The following KLF6 variants were observed in gnomAD, a reference collection of about 807,000 sequenced individuals.
The protein encoded by KLF6 is KLF transcription factor 6.
For missense variants in KLF6, 233 were observed against 359.8 expected, an observed-to-expected ratio of 0.65 and a Z score of 2.85; for synonymous variants, 152 against 147.9, an observed-to-expected ratio of 1.03 and a Z score of -0.20.
Position 3,777,464 on chromosome 10 carries a change from G to A in KLF6, c.*2075C>T, listed in dbSNP as rs538353647. The A allele has an allele frequency of 2.6e-4, 133 of 511,486 alleles. No homozygotes were observed. The highest frequency in any genetic ancestry group is 4.6e-4 in the Non-Finnish European group (120 of 261,788). 31.7% of individuals were successfully genotyped at this position (511,486 alleles called of 1,614,324 possible). On this transcript the variant is annotated 3_prime_UTR_variant, in exon 4 of 4. Transcript: ENST00000497571. ...TCAAAATCAAAACCTTAGTGTGTCC[G>A]AGTCCAGCCTGGGTTCCAGCATTCT...
Position 3,778,012 on chromosome 10 carries a change from T to C in KLF6, c.*1527A>G. Reference sequence around the variant, plus strand: ...TGATCTATACAATTGTTGTGCAAGGTCTATATGAAAGTCTCAAGGTGGCAG... The same window carrying C: ...TGATCTATACAATTGTTGTGCAAGGCCTATATGAAAGTCTCAAGGTGGCAG... On this transcript the variant is annotated 3_prime_UTR_variant, in exon 4 of 4. Coordinates refer to ENST00000497571, the MANE Select transcript of KLF6 (RefSeq NM_001300.6). The C allele has an allele frequency of 2.0e-6, 1 of 507,030 alleles. No individual in the cohort carries two copies. Among genetic ancestry groups the C allele is most frequent in the Non-Finnish European group, 3.9e-6 (1 of 259,146 alleles). 31.4% of individuals were successfully genotyped at this position (507,030 alleles called of 1,614,324 possible). A position where few individuals can be genotyped will look rare whatever the true frequency, so the allele number is the denominator to read the frequency against.
chr10:3,783,775 C>G (rs1429735886), intron 1 of KLF6, among the ~76,000 whole-genome samples: 2 of 152,198 alleles, frequency 1.3e-5, no homozygotes, highest in Non-Finnish European at 2.9e-5. Flanking sequence ...GCACCCGGGA[C>G]CTGAACGAAG....
At position 3,776,471 on chromosome 10, in the gene KLF6, C is replaced by A. The variant is rs1269548782; in HGVS notation, c.*3068G>T. 3.8e-6 allele frequency: 2 copies of A among 531,498 alleles called. No homozygotes were observed. The highest frequency in any genetic ancestry group is 7.3e-6 in the Non-Finnish European group (2 of 274,600). 32.9% of individuals were successfully genotyped at this position (531,498 alleles called of 1,614,324 possible). ...GGGTTGCTCAATGAAGATTTGCCCC[C>A]AGGAGGAAGCCAGGGTGATGAATGC... is the stretch of plus-strand genomic sequence containing the variant. On this transcript the variant is annotated 3_prime_UTR_variant, in exon 4 of 4. Coordinates refer to ENST00000497571, the MANE Select transcript of KLF6 (RefSeq NM_001300.6).
Position 3,781,400 on chromosome 10 carries a change from C to G in KLF6, c.676+241G>C, listed in dbSNP as rs1832516021. 2.0e-6 allele frequency: 3 copies of G among 1,480,750 alleles called. No individual in the cohort carries two copies. Among genetic ancestry groups the G allele is most frequent in the African/African-American group, 1.4e-5 (1 of 71,274 alleles). 91.7% of individuals were successfully genotyped at this position (1,480,750 alleles called of 1,614,324 possible). On this transcript the variant is annotated intron_variant, in intron 2 of 3. Coordinates refer to ENST00000497571, the MANE Select transcript of KLF6 (RefSeq NM_001300.6). The surrounding 1 kb of genome is among the most constrained non-coding windows in gnomAD (Gnocchi z 5.8). ...TTTGGGTGTCCGTGGAGAAAAGGAT[C>G]TAGTCTCTTGTTTGTTTAATCTGAA...
chr10:3,778,927 A>T lies in KLF6; in HGVS notation c.*612T>A, dbSNP rs764657051. The T allele has an allele frequency of 4.7e-4, 249 of 534,732 alleles. No individual in the cohort carries two copies. The highest frequency in any genetic ancestry group is 8.0e-4 in the Non-Finnish European group (222 of 276,704). The allele number at this position is 534,732 out of a possible 1,614,324, so 33.1% of individuals were successfully genotyped here. On this transcript the variant is annotated 3_prime_UTR_variant, in exon 4 of 4. Transcript: ENST00000497571. Reference sequence around the variant, plus strand: ...GCACCAGACACTAAGAGTTCCTCTCACACAGAAAAGGGGGAGAGAGGCTCT... The same window carrying T: ...GCACCAGACACTAAGAGTTCCTCTCTCACAGAAAAGGGGGAGAGAGGCTCT...
In KLF6 at chr10:3,778,769, A is replaced by T; in HGVS notation, c.*770T>A. ...CATATAGTTCCCCAGACCATGCATG[A>T]CTTTTTGTATTCTAAGGAAAAGTTA... On this transcript the variant is annotated 3_prime_UTR_variant, in exon 4 of 4. Transcript: ENST00000497571. 1.9e-6 allele frequency: 1 copy of T among 531,386 alleles called. No individual in the cohort carries two copies. Among genetic ancestry groups the T allele is most frequent in the East Asian group, 4.0e-5 (1 of 25,290 alleles). The allele number at this position is 531,386 out of a possible 1,614,324, so 32.9% of individuals were successfully genotyped here. A position where few individuals can be genotyped will look rare whatever the true frequency, so the allele number is the denominator to read the frequency against.
In KLF6 at chr10:3,778,930, C is replaced by T. The variant is rs574995312; in HGVS notation, c.*609G>A. The stretch of plus-strand genomic sequence containing the variant: ...CCAGACACTAAGAGTTCCTCTCACA[C>T]AGAAAAGGGGGAGAGAGGCTCTCCC... On this transcript the variant is annotated 3_prime_UTR_variant, in exon 4 of 4. Coordinates refer to ENST00000497571, the MANE Select transcript of KLF6 (RefSeq NM_001300.6). 3.7e-6 allele frequency: 2 copies of T among 534,874 alleles called. No homozygotes were observed. Among genetic ancestry groups the T allele is most frequent in the Non-Finnish European group, 7.2e-6 (2 of 276,694 alleles). 33.1% of individuals were successfully genotyped at this position (534,874 alleles called of 1,614,324 possible).
rs1832380316 is a variant in KLF6 at position 3,776,523 on chromosome 10, T to A, written c.*3016A>T. ...GGAGGAATCTGTTCCAACAACCCCC[T>A]TCCCCCAAAAAAAACAACCAGACTC... is the stretch of plus-strand genomic sequence containing the variant. On this transcript the variant is annotated 3_prime_UTR_variant, in exon 4 of 4. Coordinates refer to ENST00000497571, the MANE Select transcript of KLF6 (RefSeq NM_001300.6). The A allele has an allele frequency of 5.7e-6, 3 of 528,408 alleles. No homozygotes were observed. The highest frequency in any genetic ancestry group is 1.1e-5 in the Non-Finnish European group (3 of 272,706). The allele number at this position is 528,408 out of a possible 1,614,324, so 32.7% of individuals were successfully genotyped here.
In KLF6 at chr10:3,776,165, C is replaced by T. The variant is rs1050102006; in HGVS notation, c.*3374G>A. On this transcript the variant is annotated 3_prime_UTR_variant, in exon 4 of 4. Transcript: ENST00000497571. ...GGGAAGGTAGGCCCAGCTCTAGCTG[C>T]GGAACTGGAGCAGGCTGTGGAGGCA... The T allele has an allele frequency of 1.1e-5, 6 of 530,444 alleles. No individual in the cohort carries two copies. The highest frequency in any genetic ancestry group is 3.9e-5 in the East Asian group (1 of 25,398). 32.9% of individuals were successfully genotyped at this position (530,444 alleles called of 1,614,324 possible). A position where few individuals can be genotyped will look rare whatever the true frequency, so the allele number is the denominator to read the frequency against.
chr10:3,782,602 A>C lies in KLF6; in HGVS notation c.103-388T>G, dbSNP rs1472350070. ...CCAACAGGTTCAACCAGATTATCTG[A>C]CATTGTCAAGAACCATGTGTTTTAA... On this transcript the variant is annotated intron_variant, in intron 1 of 3. Transcript: ENST00000497571. The surrounding 1 kb of genome is among the most constrained non-coding windows in gnomAD (Gnocchi z 4.3). 6.6e-6 allele frequency among the ~76,000 whole-genome samples: 1 copy of C among 152,220 alleles called. No individual in the cohort carries two copies. Among genetic ancestry groups the C allele is most frequent in the Non-Finnish European group, 1.5e-5 (1 of 68,046 alleles).
In KLF6 at chr10:3,778,678, C is replaced by A. The variant is rs769718257; in HGVS notation, c.*861G>T. Reference sequence around the variant, plus strand: ...ATGGCTAGGGGGTCACTGTATTAGACAGATTGGATCTTAGCTGCTCATTAA... The same window carrying A: ...ATGGCTAGGGGGTCACTGTATTAGAAAGATTGGATCTTAGCTGCTCATTAA... On this transcript the variant is annotated 3_prime_UTR_variant, in exon 4 of 4. Transcript: ENST00000497571. The A allele has an allele frequency of 1.9e-6, 1 of 526,608 alleles. No individual in the cohort carries two copies. The highest frequency in any genetic ancestry group is 3.7e-6 in the Non-Finnish European group (1 of 271,742). 32.6% of individuals were successfully genotyped at this position (526,608 alleles called of 1,614,324 possible). A position where few individuals can be genotyped will look rare whatever the true frequency, so the allele number is the denominator to read the frequency against.
Position 3,778,464 on chromosome 10 carries a change from C to A in KLF6, c.*1075G>T, listed in dbSNP as rs1191514192. 2 of 525,516 alleles carry A rather than the reference C, an allele frequency of 3.8e-6. No individual in the cohort carries two copies. Among genetic ancestry groups the A allele is most frequent in the African/African-American group, 3.7e-5 (2 of 53,364 alleles). The allele number at this position is 525,516 out of a possible 1,614,324, so 32.6% of individuals were successfully genotyped here. ...TAAGTCTAATGAAACATTAGACCAG[C>A]AATTCCCAGCCCCAGCTTTGTGACA... is the stretch of plus-strand genomic sequence containing the variant. On this transcript the variant is annotated 3_prime_UTR_variant, in exon 4 of 4. Transcript: ENST00000497571.
rs913151733 is a variant in KLF6 at position 3,779,106 on chromosome 10, T to C, written c.*433A>G. The stretch of plus-strand genomic sequence containing the variant: ...CCCCTCCCCCCAAGGAAATGATTGG[T>C]GGTCATCTCATCTCATGGTATACTC... On this transcript the variant is annotated 3_prime_UTR_variant, in exon 4 of 4. Coordinates refer to ENST00000497571, the MANE Select transcript of KLF6 (RefSeq NM_001300.6). 1.9e-4 allele frequency: 104 copies of C among 536,484 alleles called. No individual in the cohort carries two copies. The highest frequency in any genetic ancestry group is 5.1e-4 in the Middle Eastern group (1 of 1,968). 33.2% of individuals were successfully genotyped at this position (536,484 alleles called of 1,614,324 possible). A position where few individuals can be genotyped will look rare whatever the true frequency, so the allele number is the denominator to read the frequency against.
In KLF6 at chr10:3,780,393, C is replaced by T; in HGVS notation, c.677-164G>A. 3.8e-6 allele frequency: 3 copies of T among 790,518 alleles called. No homozygotes were observed. Among genetic ancestry groups the T allele is most frequent in the South Asian group, 2.9e-5 (2 of 69,594 alleles). 49.0% of individuals were successfully genotyped at this position (790,518 alleles called of 1,614,324 possible). ...GGCAGCCTCAGAGAGACAACAGCAG[C>T]TCTCTCCTGACCCAGTCTCAGGCCT... On this transcript the variant is annotated intron_variant, in intron 2 of 3. Transcript: ENST00000497571. The surrounding 1 kb of genome is among the most constrained non-coding windows in gnomAD (Gnocchi z 4.6).
At position 3,776,797 on chromosome 10, in the gene KLF6, CA is replaced by C. The variant is rs1378609469; in HGVS notation, c.*2741del. 2.1e-5 allele frequency: 11 copies of C among 514,878 alleles called. No individual in the cohort carries two copies. The highest frequency in any genetic ancestry group is 3.4e-5 in the Non-Finnish European group (9 of 265,618). The allele number at this position is 514,878 out of a possible 1,614,324, so 31.9% of individuals were successfully genotyped here. On this transcript the variant is annotated 3_prime_UTR_variant, in exon 4 of 4. Coordinates refer to ENST00000497571, the MANE Select transcript of KLF6 (RefSeq NM_001300.6). ...GATTGAGGCTCAGTTATCACCTGAA[CA>C]GAATGTACTTCTTTATGTACGTGCT...
rs767680205 is a variant in KLF6 at position 3,777,596 on chromosome 10, A to T, written c.*1943T>A. ...ATTCAAGCAAGAAAGTCCTCCGCAC[A>T]TCGTTAAATTAAAGATAAAGCCTCT... On this transcript the variant is annotated 3_prime_UTR_variant, in exon 4 of 4. Coordinates refer to ENST00000497571, the MANE Select transcript of KLF6 (RefSeq NM_001300.6). The T allele has an allele frequency of 2.0e-6, 1 of 510,328 alleles. No homozygotes were observed. The highest frequency in any genetic ancestry group is 1.9e-5 in the African/African-American group (1 of 52,538). 31.6% of individuals were successfully genotyped at this position (510,328 alleles called of 1,614,324 possible). A position where few individuals can be genotyped will look rare whatever the true frequency, so the allele number is the denominator to read the frequency against.
Position 3,778,411 on chromosome 10 carries a change from C to T in KLF6, c.*1128G>A, listed in dbSNP as rs1319269707. ...GTTTCTAAGCGTTAGTGGTTTTATC[C>T]ACCCAACTGAGAAAAATTTTAGGTT... On this transcript the variant is annotated 3_prime_UTR_variant, in exon 4 of 4. Coordinates refer to ENST00000497571, the MANE Select transcript of KLF6 (RefSeq NM_001300.6). The T allele has an allele frequency of 3.8e-6, 2 of 525,328 alleles. No individual in the cohort carries two copies. The highest frequency in any genetic ancestry group is 3.7e-6 in the Non-Finnish European group (1 of 270,702). The allele number at this position is 525,328 out of a possible 1,614,324, so 32.5% of individuals were successfully genotyped here.
intron 1 of KLF6, among the ~76,000 whole-genome samples, chr10:3,783,910 T>C (rs905616410): frequency 6.6e-6 from 1 of 151,922 alleles, no homozygotes; most frequent in Non-Finnish European, 1.5e-5. Context: ...AGCAGCTTCT[T>C]TGAGGAGGAA....
At chr10:3,783,672 T>C (rs1003005770) in intron 1 of KLF6, among the ~76,000 whole-genome samples, 4 of 152,286 alleles carry the variant, frequency 2.6e-5, no homozygotes, top group South Asian at 2.1e-4. Context: ...ATGTATTTTA[T>C]TGATTTAACA....
Sources: allele counts gnomAD v4.1 joint callset (sites outside exome capture counted in the v4.1 genomes callset), GRCh38; gene constraint gnomAD v4.1.1; non-coding constraint Gnocchi (gnomAD v3.1); transcripts MANE v1.5; gene names NCBI Gene and HGNC (gene_info 2026-07-23, HGNC 2026-07-21).